FAF1: variants seen among roughly 807,000 people sequenced by gnomAD.
FAF1 encodes the protein FAS-associated factor 1.
In FAF1, 25 loss-of-function variants were observed where a neutral mutation model predicts 92.5. The observed-to-expected ratio is 0.27, with a 90% CI of 0.20 to 0.38. The LOEUF (loss-of-function observed/expected upper bound fraction) is 0.38. Ranked by LOEUF, FAF1 falls within the 10% of genes least tolerant of loss-of-function variation. FAF1 has a pLI of 1.00. For missense variants in FAF1, 636 were observed against 793.3 expected (o/e 0.80, Z 2.38); for synonymous variants, 234 against 273.2 (o/e 0.86, Z 1.42).
intron 17 of FAF1, among the ~76,000 whole-genome samples, chr1:50,485,104 TA>T (rs1207505671): frequency 2.4e-4 from 37 of 151,156 alleles, no homozygotes; most frequent in Admixed American, 9.2e-4. Flanking sequence ...TAAAGTATAA[TA>T]AAAAAAAGAA....
chr1:50,536,461 G>T (rs1479674128), intron 14 of FAF1, among the ~76,000 whole-genome samples: 2 of 152,166 alleles, frequency 1.3e-5, no homozygotes, highest in Non-Finnish European at 2.9e-5. Flanking sequence ...GGACAATAAA[G>T]ACCAAACATT....
chr1:50,888,628 G>T (rs1474017075), intron 1 of FAF1, among the ~76,000 whole-genome samples: 1 of 152,056 alleles, frequency 6.6e-6, no homozygotes, highest in Non-Finnish European at 1.5e-5. Flanking sequence ...CATCGATTAG[G>T]TTTTTGTCTT....
intron 12 of FAF1, among the ~76,000 whole-genome samples, chr1:50,578,403 T>A (rs540274314): frequency 6.7e-4 from 102 of 152,296 alleles, no homozygotes; most frequent in African/African-American, 2.3e-3. Flanking sequence ...TCAAAAATTT[T>A]AAAAAATAAT....
At chr1:50,683,740 C>T (rs1312241184) in intron 7 of FAF1, among the ~76,000 whole-genome samples, 1 of 151,848 alleles carries the variant, frequency 6.6e-6, no homozygotes, top group Non-Finnish European at 1.5e-5. Context: ...CGAGACCAGC[C>T]TGACCAACAC....
intron 1 of FAF1, among the ~76,000 whole-genome samples, chr1:50,863,692 T>TG (rs1644454968): frequency 6.6e-6 from 1 of 152,112 alleles, no homozygotes; most frequent in South Asian, 2.1e-4. Flanking sequence ...TGCCCGGCTT[T>TG]GCTATCAGGA....
At chr1:50,900,588 T>C (rs1478537629) in intron 1 of FAF1, among the ~76,000 whole-genome samples, 1 of 152,048 alleles carries the variant, frequency 6.6e-6, no homozygotes, top group African/African-American at 2.4e-5. Context: ...TTACTTCACC[T>C]CTCTATTATC....
At chr1:50,640,015 T>G (rs1011201954) in intron 8 of FAF1, among the ~76,000 whole-genome samples, 20 of 151,960 alleles carry the variant, frequency 1.3e-4, no homozygotes, top group Admixed American at 2.6e-4. Flanking sequence ...AAATTCACCC[T>G]TTTAAAATGT....
chr1:50,687,439 A>G (rs1569765362), intron 7 of FAF1, among the ~76,000 whole-genome samples: 1 of 152,048 alleles, frequency 6.6e-6, no homozygotes, highest in Admixed American at 6.5e-5. Flanking sequence ...ATAAATGGTC[A>G]ATAAACACAT....
rs188509377 is a variant in FAF1 at position 50,470,119 on chromosome 1, C to T, written c.1869+5345G>A. Among the ~76,000 whole-genome samples the T allele has an allele frequency of 6.7e-3, 1,013 of 152,250 alleles. 15 individuals are homozygous for T. The highest frequency in any genetic ancestry group is 0.023 in the African/African-American group (948 of 41,544). ...TAATATAAATTGAAAATCAATCCCA[C>T]TGCAATATTAGAGGTATTACCATAG... On this transcript the variant is annotated intron_variant, in intron 18 of 18. Coordinates refer to ENST00000396153, the MANE Select transcript of FAF1 (RefSeq NM_007051.3).
At chr1:50,669,951 G>A (rs912555810) in intron 7 of FAF1, among the ~76,000 whole-genome samples, 5 of 151,904 alleles carry the variant, frequency 3.3e-5, no homozygotes, top group African/African-American at 1.2e-4. Context: ...CAGAAACCTC[G>A]TCTCTAATAA....
intron 7 of FAF1, among the ~76,000 whole-genome samples, chr1:50,681,447 T>C (rs1656416197): frequency 6.6e-6 from 1 of 152,164 alleles, no homozygotes; most frequent in African/African-American, 2.4e-5. Context: ...GAATACATAT[T>C]GGAGCTCTTA....
chr1:50,494,189 T>C (rs1395369869), intron 15 of FAF1, among the ~76,000 whole-genome samples: 1 of 152,262 alleles, frequency 6.6e-6, no homozygotes, highest in Non-Finnish European at 1.5e-5. Context: ...TCAGATTTTA[T>C]ACTTGCCTCT....
intron 6 of FAF1, among the ~76,000 whole-genome samples, chr1:50,722,930 G>C (rs1318997390): frequency 6.6e-6 from 1 of 152,134 alleles, no homozygotes. Context: ...GATTGATTTA[G>C]CTCCTTCCAA....
In FAF1 at chr1:50,711,487, T is replaced by C. The variant is rs919366404; in HGVS notation, c.552-5596A>G. ...ACTTTTTTTTTTTTTTTTTTTTTTTTGAGATGGAGTCTCACTCTGTCTCCC... is the reference window on the plus strand; with the variant it reads ...ACTTTTTTTTTTTTTTTTTTTTTTTCGAGATGGAGTCTCACTCTGTCTCCC... On this transcript the variant is annotated intron_variant, in intron 6 of 18. Transcript: ENST00000396153. Among the ~76,000 whole-genome samples, 11 of 122,282 alleles carry C rather than the reference T, an allele frequency of 9.0e-5. No homozygotes were observed. In the East Asian group the frequency reaches 2.2e-3, roughly 24 times the overall value. 80.2% of individuals were successfully genotyped at this position (122,282 alleles called of 152,430 possible).
chr1:50,809,675 A>G (rs2124603719), intron 2 of FAF1, among the ~76,000 whole-genome samples: 1 of 152,346 alleles, frequency 6.6e-6, no homozygotes, highest in South Asian at 2.1e-4. Context: ...ATTCACAGCC[A>G]AATTCTACCA....
chr1:50,946,504 T>A (rs1390050921), intron 1 of FAF1, among the ~76,000 whole-genome samples: 1 of 152,208 alleles, frequency 6.6e-6, no homozygotes, highest in African/African-American at 2.4e-5. Context: ...CAAATTCTGT[T>A]AACCAACCTA....
intron 9 of FAF1, among the ~76,000 whole-genome samples, chr1:50,594,887 A>ATT (rs1651720746): frequency 7.6e-6 from 1 of 130,784 alleles, no homozygotes; most frequent in Non-Finnish European, 1.7e-5. Context: ...AAAAAAAAAA[A>ATT]TTATATATAT....
At chr1:50,688,168 TA>T (rs1312373897) in intron 7 of FAF1, among the ~76,000 whole-genome samples, 1 of 150,878 alleles carries the variant, frequency 6.6e-6, no homozygotes, top group Admixed American at 6.6e-5. Flanking sequence ...AAAATAAAAA[TA>T]AAATAAAATA....
chr1:50,910,527 G>A (rs1644876009), intron 1 of FAF1, among the ~76,000 whole-genome samples: 1 of 152,136 alleles, frequency 6.6e-6, no homozygotes. Context: ...GCTGCAGTGG[G>A]CTCCACCCAG....
Sources: allele counts gnomAD v4.1 joint callset (sites outside exome capture counted in the v4.1 genomes callset), GRCh38; gene constraint gnomAD v4.1.1; transcripts MANE v1.5; gene names NCBI Gene and HGNC (gene_info 2026-07-23, HGNC 2026-07-21).